ITPR2: variants seen among roughly 807,000 people sequenced by gnomAD.
The protein encoded by ITPR2 is inositol 1,4,5-trisphosphate-gated calcium channel ITPR2.
Under a neutral mutation model 317.1 loss-of-function variants are expected in ITPR2, and 207 were observed. The observed-to-expected ratio is 0.65, with a 90% CI of 0.58 to 0.73. The LOEUF (loss-of-function observed/expected upper bound fraction) is 0.73. ITPR2 is among the 30% of genes least tolerant of loss of function. The probability of loss-of-function intolerance (pLI) is 0.00; values close to 1 mark genes in which losing one functional copy is unlikely to be tolerated. For missense variants in ITPR2, 2,613 were observed against 3,284.0 expected (o/e 0.80, Z 4.99); for synonymous variants, 1,156 against 1,149.1 (o/e 1.01, Z -0.12).
chr12:26,420,344 C>T (rs1461987992), intron 49 of ITPR2, among the ~76,000 whole-genome samples: 1 of 152,116 alleles, frequency 6.6e-6, no homozygotes, highest in Non-Finnish European at 1.5e-5. Flanking sequence ...AAACAGGTTG[C>T]TCTTTGCAAC....
At chr12:26,706,199 A>C (rs528625743) in intron 9 of ITPR2, among the ~76,000 whole-genome samples, 1 of 152,260 alleles carries the variant, frequency 6.6e-6, no homozygotes, top group African/African-American at 2.4e-5. Context: ...TGAGAAACTG[A>C]CTTTTTAATT....
In ITPR2 at chr12:26,550,243, A is replaced by G. The variant is rs766890795; in HGVS notation, c.5073+4T>C. ...TTAAATAATAAAGTTTTTTAAAAAA[A>G]TACCTCTTCCACAAAGCTGTCTTTC... On this transcript the variant is annotated splice_donor_region_variant and intron_variant, in intron 37 of 56. Coordinates refer to ENST00000381340, the MANE Select transcript of ITPR2 (RefSeq NM_002223.4). 26 of 1,284,426 alleles carry G rather than the reference A, an allele frequency of 2.0e-5. No homozygotes were observed. The highest frequency in any genetic ancestry group is 2.8e-5 in the Non-Finnish European group (25 of 907,974). 79.6% of individuals were successfully genotyped at this position (1,284,426 alleles called of 1,614,324 possible).
At chr12:26,722,125 CTT>C (rs1948849375) in intron 5 of ITPR2, among the ~76,000 whole-genome samples, 1 of 152,188 alleles carries the variant, frequency 6.6e-6, no homozygotes, top group Admixed American at 6.5e-5. Context: ...TTCTCCTTCT[CTT>C]TTAAAAGTCT....
chr12:26,700,648 AG>A (rs1306017631), intron 9 of ITPR2, among the ~76,000 whole-genome samples: 1 of 152,176 alleles, frequency 6.6e-6, no homozygotes, highest in African/African-American at 2.4e-5. Flanking sequence ...CAAGCTGGGA[AG>A]GAGGGTCAGC....
intron 37 of ITPR2, among the ~76,000 whole-genome samples, chr12:26,528,905 C>T (rs973679793): frequency 5.9e-5 from 9 of 152,196 alleles, no homozygotes; most frequent in African/African-American, 1.9e-4. Flanking sequence ...CTTCCAGTTA[C>T]TCATGCCGCA....
intron 54 of ITPR2, among the ~76,000 whole-genome samples, chr12:26,389,154 CACA>C (rs1441365754): frequency 6.6e-6 from 1 of 152,092 alleles, no homozygotes; most frequent in East Asian, 1.9e-4. Context: ...CTTTACTCTC[CACA>C]GCCCATTCTC....
At chr12:26,485,430 T>C (rs2136845953) in intron 41 of ITPR2, among the ~76,000 whole-genome samples, 1 of 152,346 alleles carries the variant, frequency 6.6e-6, no homozygotes, top group Admixed American at 6.5e-5. Context: ...TGGGTTAGGA[T>C]AGGCCCATGG....
At chr12:26,484,936 C>T (rs927657266) in intron 41 of ITPR2, among the ~76,000 whole-genome samples, 11 of 152,212 alleles carry the variant, frequency 7.2e-5, no homozygotes, top group Non-Finnish European at 1.5e-4. Flanking sequence ...AGGATGGTCT[C>T]GATCTCCTGG....
At chr12:26,798,281 T>C (rs1462420929) in intron 1 of ITPR2, among the ~76,000 whole-genome samples, 1 of 152,214 alleles carries the variant, frequency 6.6e-6, no homozygotes, top group Admixed American at 6.5e-5. Context: ...AACTTCACTG[T>C]GCCGCATTTT....
chr12:26,526,645 G>C (rs1943815258), intron 37 of ITPR2, among the ~76,000 whole-genome samples: 1 of 152,126 alleles, frequency 6.6e-6, no homozygotes, highest in Non-Finnish European at 1.5e-5. Context: ...AAAAAGATTG[G>C]AGGTTACAAA....
At position 26,621,277 on chromosome 12, in the gene ITPR2, T is replaced by A; in HGVS notation, c.3308A>T (p.Asn1103Ile). ...TTGCTTGTAGTTATCTACGTCTTGA[T>A]TAGACACCAGTAATTGCACCTAAAA... ...AFKQVQLLVSNQDVDNYKQIK... is the reference protein window; with the variant it reads ...AFKQVQLLVSIQDVDNYKQIK... The change falls in exon 26 of 57, where the codon AAT (asparagine) becomes ATT (isoleucine). Residue 1103 changes from asparagine to isoleucine, a missense_variant. This residue lies in a region of ITPR2 where 817 missense variants were observed against 897.6 expected (regional missense o/e 0.91). Coordinates refer to ENST00000381340, the MANE Select transcript of ITPR2 (RefSeq NM_002223.4). 4 of 1,611,420 alleles carry A rather than the reference T, an allele frequency of 2.5e-6. No homozygotes were observed. The highest frequency in any genetic ancestry group is 3.4e-6 in the Non-Finnish European group (4 of 1,178,822).
chr12:26,423,802 T>C (rs1464608314), intron 49 of ITPR2, among the ~76,000 whole-genome samples: 2 of 152,184 alleles, frequency 1.3e-5, no homozygotes, highest in Admixed American at 6.5e-5. Flanking sequence ...ATGTGCTTTA[T>C]AATGAGAAAA....
At chr12:26,513,690 G>A (rs1943415771) in intron 37 of ITPR2, among the ~76,000 whole-genome samples, 1 of 151,754 alleles carries the variant, frequency 6.6e-6, no homozygotes, top group Non-Finnish European at 1.5e-5. Flanking sequence ...CAGCACCTTT[G>A]CCTTATGTCT....
intron 26 of ITPR2, among the ~76,000 whole-genome samples, chr12:26,609,958 A>G (rs1372826811): frequency 6.6e-6 from 1 of 152,214 alleles, no homozygotes; most frequent in Non-Finnish European, 1.5e-5. Context: ...CTCAGACATA[A>G]GTATGGGAAT....
chr12:26,479,835 A>C (rs1230494191), intron 43 of ITPR2, among the ~76,000 whole-genome samples: 1 of 152,210 alleles, frequency 6.6e-6, no homozygotes, highest in Admixed American at 6.5e-5. Flanking sequence ...GCTTATCAGG[A>C]GGCAGATGCT....
intron 32 of ITPR2, among the ~76,000 whole-genome samples, chr12:26,594,613 A>G (rs1309413200): frequency 6.6e-6 from 1 of 152,158 alleles, no homozygotes; most frequent in Admixed American, 6.5e-5. Context: ...ATCATTCATA[A>G]TAGGTCTAAG....
chr12:26,539,618 T>C (rs1944202695), intron 37 of ITPR2, among the ~76,000 whole-genome samples: 1 of 152,210 alleles, frequency 6.6e-6, no homozygotes, highest in Non-Finnish European at 1.5e-5. Flanking sequence ...CCCCCTTGGC[T>C]GAGCTCACAC....
rs775743377 is a variant in ITPR2 at position 26,716,153 on chromosome 12, C to A, written c.615G>T (p.Gly205=). 3.1e-6 allele frequency: 5 copies of A among 1,610,784 alleles called. No homozygotes were observed. The highest frequency in any genetic ancestry group is 4.2e-6 in the Non-Finnish European group (5 of 1,177,258). ...ASNIELLDNP[G]CKEVNAVNCN... is the part of the protein sequence containing the mutation. ...TTCCACTTGAACTTACCTCTTTACA[C>A]CCTGGGTTATCAAGAAGCTCTATGT... Residue 205 remains glycine, a synonymous_variant, in exon 6 of 57, where the codon GGG becomes GGT. Transcript: ENST00000381340.
intron 21 of ITPR2, among the ~76,000 whole-genome samples, chr12:26,638,908 A>T (rs1946918974): frequency 6.6e-6 from 1 of 152,228 alleles, no homozygotes; most frequent in Non-Finnish European, 1.5e-5. Context: ...GGAAAATGTG[A>T]TGTAAAAGAA....
Sources: gnomAD v4.1 joint callset for allele counts (sites outside exome capture counted in the v4.1 genomes callset) on GRCh38, gnomAD v4.1.1 for gene constraint, gnomAD v4.1.1 regional missense constraint, MANE v1.5 for transcripts, NCBI Gene and HGNC (gene_info 2026-07-23, HGNC 2026-07-21) for gene names.